Variants in GIGYF1 observed in about 807,000 individuals in gnomAD.
GIGYF1 encodes the protein GRB10-interacting GYF protein 1.
In GIGYF1, 84 loss-of-function variants were observed where a neutral mutation model predicts 147.1. That is an observed-to-expected ratio of 0.57 (90% CI 0.48 to 0.68). GIGYF1 has a LOEUF of 0.68. GIGYF1 is among the 30% of genes least tolerant of loss of function. GIGYF1 has a pLI of 0.00. For missense variants in GIGYF1, 1,485 were observed against 1,393.7 expected (o/e 1.07, Z -1.04); for synonymous variants, 752 against 589.5 (o/e 1.28, Z -3.99).
At chr7:100,687,193 C>T (rs1157832955) in intron 8 of GIGYF1, 105 bp downstream of exon 8, 17 of 1,452,448 alleles carry the variant, frequency 1.2e-5, no homozygotes, top group African/African-American at 4.2e-5. Context: ...ACCGGGATCT[C>T]GGACAGGGCT....
intron 10 of GIGYF1, 61 bp downstream of exon 10, chr7:100,686,588 C>A: frequency 1.3e-6 from 2 of 1,547,364 alleles, no homozygotes; most frequent in South Asian, 2.4e-5. Context: ...AGGAGCCCAC[C>A]CTCTCATTAC....
Position 100,688,019 on chromosome 7 carries a change from G to T in GIGYF1, c.127C>A (p.Arg43=), listed in dbSNP as rs201770949. ...ACGTAGAGAGCCAGCATTTCCTCTC[G>T]CCCATAACGGTAGTCAGCCAGCTTG... ...KYKLADYRYG[R]EEMLALYVKE... Residue 43 remains arginine (R), a synonymous_variant, in exon 5 of 27, where the codon CGA becomes AGA. Coordinates refer to ENST00000678049, the MANE Select transcript of GIGYF1 (RefSeq NM_001375765.1). The T allele has an allele frequency of 5.0e-6, 8 of 1,613,528 alleles. No individual in the cohort carries two copies. The African/African-American group carries it at 9.3e-5, about 19-fold the overall frequency.
At chr7:100,685,283 G>A in intron 13 of GIGYF1, 61 bp downstream of exon 13, 1 of 1,540,348 alleles carries the variant, frequency 6.5e-7, no homozygotes, top group Non-Finnish European at 8.7e-7. Context: ...CCCCACGAGT[G>A]GGGAGCACTT....
At position 100,694,173 on chromosome 7, in the gene GIGYF1, CGG is replaced by C. The variant is rs1806064581; in HGVS notation, c.-1164_-1163del. The C allele has an allele frequency of 2.8e-4, 1 of 3,558 alleles. No individual in the cohort carries two copies. Among genetic ancestry groups the C allele is most frequent in the Non-Finnish European group, 5.5e-4 (1 of 1,814 alleles). The allele number at this position is 3,558 out of a possible 1,614,324, so 0.2% of individuals were successfully genotyped here. On this transcript the variant is annotated 5_prime_UTR_variant, in exon 1 of 27. Coordinates refer to ENST00000678049, the MANE Select transcript of GIGYF1 (RefSeq NM_001375765.1). Reference sequence around the variant, plus strand: ...GCGCGCGGCGGGCGGGGGCCGGGGACGGCGACGGCGGCTAGCAGCGGGGGAGG... The same window carrying C: ...GCGCGCGGCGGGCGGGGGCCGGGGACCGACGGCGGCTAGCAGCGGGGGAGG...
chr7:100,683,737 C>T lies in GIGYF1; in HGVS notation c.1969+81G>A, dbSNP rs112778871. ...CCCCAGCCAGAATGGCAGCTAGGGG[C>T]GTGTGGGGGTGGGGAGCAGACCCCA... On this transcript the variant is annotated intron_variant, in intron 19 of 26. Coordinates refer to ENST00000678049, the MANE Select transcript of GIGYF1 (RefSeq NM_001375765.1). 24 of 1,543,532 alleles carry T rather than the reference C, an allele frequency of 1.6e-5. No individual in the cohort carries two copies. The African/African-American group carries it at 1.6e-4, about 10-fold the overall frequency.
At position 100,686,388 on chromosome 7, in the gene GIGYF1, C is replaced by A. The variant is rs374895463; in HGVS notation, c.740G>T (p.Arg247Leu). 8 of 1,610,966 alleles carry A rather than the reference C, an allele frequency of 5.0e-6. No individual in the cohort carries two copies. The highest frequency in any genetic ancestry group is 5.9e-6 in the Non-Finnish European group (7 of 1,178,478). ...TCGCAAATCAAATTCAAACTTGCGC[C>A]GCCGTTCCCCATGTTCCCGCCAGCC... The part of the protein sequence containing the change: ...SAGWREHGER[R>L]RKFEFDLRGD... Residue 247 changes from arginine to leucine, a missense_variant, in exon 11 of 27, where the codon CGG (arginine) becomes CTG (leucine). By Grantham distance (102) the Arg-to-Leu change is moderately radical. Transcript: ENST00000678049.
In GIGYF1 at chr7:100,687,896, T is replaced by C. The variant is rs764989706; in HGVS notation, c.166-13A>G. 13 of 1,613,496 alleles carry C rather than the reference T, an allele frequency of 8.1e-6. No individual in the cohort carries two copies. The highest frequency in any genetic ancestry group is 9.3e-6 in the Non-Finnish European group (11 of 1,179,934). On this transcript the variant is annotated splice_polypyrimidine_tract_variant and intron_variant, in intron 5 of 26. Coordinates refer to ENST00000678049, the MANE Select transcript of GIGYF1 (RefSeq NM_001375765.1). ...GCTCTTCCGGGACCTGGCAGTGGGTTGGGACAGCCAAGACACCACATGCTG... is the reference window on the plus strand; with the variant it reads ...GCTCTTCCGGGACCTGGCAGTGGGTCGGGACAGCCAAGACACCACATGCTG...
chr7:100,687,142 T>C lies in GIGYF1; in HGVS notation c.483-96A>G, dbSNP rs1033277795. ...CCTTGTCCACTGTGCCCTGAGGCAG[T>C]GGAGGGAGGAAGGGGACAAACGAAA... On this transcript the variant is annotated intron_variant, in intron 8 of 26. Transcript: ENST00000678049. 38 of 1,549,606 alleles carry C rather than the reference T, an allele frequency of 2.5e-5. No individual in the cohort carries two copies. In the African/African-American group the frequency reaches 3.5e-4, roughly 14 times the overall value.
intron 22 of GIGYF1, 57 bp from the exon 23 acceptor site, chr7:100,682,834 G>A (rs1409949798): frequency 4.7e-6 from 7 of 1,482,054 alleles, no homozygotes; most frequent in Non-Finnish European, 6.3e-6. Flanking sequence ...AAAAGCGGAT[G>A]GGGAGGCTTG....
chr7:100,689,797 TC>T (rs1420746069), intron 1 of GIGYF1, among the ~76,000 whole-genome samples: 1 of 152,206 alleles, frequency 6.6e-6, no homozygotes, highest in Non-Finnish European at 1.5e-5. Context: ...CACCAGCCTG[TC>T]ACTGACTGCA....
At chr7:100,686,595 T>TCA in intron 10 of GIGYF1, 54 bp downstream of exon 10, 1 of 1,559,484 alleles carries the variant, frequency 6.4e-7, no homozygotes, top group Non-Finnish European at 8.6e-7. Context: ...CACCCTCTCA[T>TCA]TACAGTTCCT....
At position 100,679,720 on chromosome 7, in the gene GIGYF1, G is replaced by C. The variant is rs761939282; in HGVS notation, c.*1999C>G. On this transcript the variant is annotated 3_prime_UTR_variant, in exon 27 of 27. Coordinates refer to ENST00000678049, the MANE Select transcript of GIGYF1 (RefSeq NM_001375765.1). ...CGGGGCCGGGGAAGGACAGCAACAG[G>C]GTCTGAGTCCCTGGGCAGGGGGGCT... 1 of 152,662 alleles carries C rather than the reference G, an allele frequency of 6.6e-6. No homozygotes were observed. The highest frequency in any genetic ancestry group is 1.5e-5 in the Non-Finnish European group (1 of 68,212). 9.5% of individuals were successfully genotyped at this position (152,662 alleles called of 1,614,324 possible).
chr7:100,681,634 G>C lies in GIGYF1; in HGVS notation c.*85C>G. The C allele has an allele frequency of 2.3e-6, 3 of 1,330,944 alleles. No homozygotes were observed. The highest frequency in any genetic ancestry group is 2.4e-5 in the East Asian group (1 of 41,566). 82.4% of individuals were successfully genotyped at this position (1,330,944 alleles called of 1,614,324 possible). A position where few individuals can be genotyped will look rare whatever the true frequency, so the allele number is the denominator to read the frequency against. The stretch of plus-strand genomic sequence containing the variant: ...GCCCCTGCCTCTTCCTGTGCTCTCT[G>C]CGGGGAGCCTGCAGGCTGGGACCCT... On this transcript the variant is annotated 3_prime_UTR_variant, in exon 27 of 27. Transcript: ENST00000678049.
rs2131392986 is a variant in GIGYF1, at chr7:100,688,314, G to A, written c.-69-7C>T. 1 of 1,154,254 alleles carries A rather than the reference G, an allele frequency of 8.7e-7. No individual in the cohort carries two copies. Among genetic ancestry groups the A allele is most frequent in the East Asian group, 2.4e-5 (1 of 41,598 alleles). 71.5% of individuals were successfully genotyped at this position (1,154,254 alleles called of 1,614,324 possible). ...GCGTTCACTGTCCAAACACCTGTGG[G>A]GGAACAGGGGCCATGAAGAACAGCA... On this transcript the variant is annotated splice_region_variant and splice_polypyrimidine_tract_variant and intron_variant, in intron 3 of 26. Coordinates refer to ENST00000678049, the MANE Select transcript of GIGYF1 (RefSeq NM_001375765.1).
rs913768017 is a variant in GIGYF1, at chr7:100,686,344, C to G, written c.784G>C (p.Gly262Arg). The G allele has an allele frequency of 3.1e-6, 5 of 1,613,508 alleles. No homozygotes were observed. The highest frequency in any genetic ancestry group is 3.3e-5 in the Admixed American group (2 of 59,896). The change falls in exon 11 of 27, where the codon GGT becomes CGT. Residue 262 changes from glycine to arginine, a missense_variant. Physicochemically the swap from Gly to Arg is moderately radical, Grantham distance 125. Transcript: ENST00000678049. ...FDLRGDRGGC[G>R]EEEGRGGGGS... ...CCCCCTCCCCGCCCCTCCTCTTCAC[C>G]ACACCCTCCTCGATCCCCTCGCAAA...
chr7:100,682,687 T>C lies in GIGYF1; in HGVS notation c.2503A>G (p.Ser835Gly), dbSNP rs750421292. 9 of 1,600,226 alleles carry C rather than the reference T, an allele frequency of 5.6e-6. No homozygotes were observed. The East Asian group carries it at 1.6e-4, about 28-fold the overall frequency. The change falls in exon 23 of 27, where the codon AGC (serine) becomes GGC (glycine). Residue 835 changes from serine to glycine, a missense_variant. Ser to Gly is a moderately conservative substitution (Grantham distance 56). Transcript: ENST00000678049. ...TCCTCCCAGAGCCCCAGGCCGCTGC[T>C]GCCGCCCCCACTCTTGTCTGGCCCG... ...WGGPDKSGGG[S>G]SGLGLWEDTP... is the part of the protein sequence containing the mutation.
At chr7:100,685,776 C>T (rs1485514866) in intron 12 of GIGYF1, among the ~76,000 whole-genome samples, 198 bp downstream of exon 12, 2 of 152,230 alleles carry the variant, frequency 1.3e-5, no homozygotes, top group African/African-American at 2.4e-5. Flanking sequence ...ATTTTGATTA[C>T]GCCTGATTTC....
intron 12 of GIGYF1, 136 bp from the exon 13 acceptor site, chr7:100,685,617 C>A (rs947439536): frequency 2.1e-6 from 2 of 936,334 alleles, no homozygotes; most frequent in Admixed American, 5.9e-5. Flanking sequence ...TGGGTCAACT[C>A]AACTAATGGC....
chr7:100,693,461 T>C (rs1562889973), intron 1 of GIGYF1, among the ~76,000 whole-genome samples: 2 of 152,102 alleles, frequency 1.3e-5, no homozygotes, highest in Admixed American at 6.5e-5. Flanking sequence ...GAGACCCCAA[T>C]GACCCAGCAC....
Sources: gnomAD v4.1 joint callset for allele counts (sites outside exome capture counted in the v4.1 genomes callset) on GRCh38, gnomAD v4.1.1 for gene constraint, MANE v1.5 for transcripts, NCBI Gene and HGNC (gene_info 2026-07-23, HGNC 2026-07-21) for gene names.